Variants in WDR44 observed in about 807,000 individuals in gnomAD.
The protein encoded by WDR44 is WD repeat domain 44.
Under a neutral mutation model 65.7 loss-of-function variants are expected in WDR44, and 9 were observed. That is an observed-to-expected ratio of 0.14 (90% CI 0.08 to 0.24). The LOEUF (loss-of-function observed/expected upper bound fraction) is 0.24. Ranked by LOEUF, WDR44 falls within the 10% of genes least tolerant of loss-of-function variation. The probability of loss-of-function intolerance (pLI) is 1.00; values close to 1 mark genes in which losing one functional copy is unlikely to be tolerated. For synonymous variants in WDR44, 220 were observed against 235.2 expected (o/e 0.94, Z 0.59); for missense variants, 425 against 670.9 (o/e 0.63, Z 4.05).
rs764804167 is a variant in WDR44, at chrX:118,401,594, C to T, written c.1275-2744C>T. Among the ~76,000 whole-genome samples the T allele has an allele frequency of 5.7e-3, 487 of 85,686 alleles. 3 individuals are homozygous for T. The highest frequency in any genetic ancestry group is 0.021 in the African/African-American group (442 of 21,211). The allele number at this position is 85,686 out of a possible 115,157, so 74.4% of individuals were successfully genotyped here. ...AGCCCTTTGTCAGATGAGTAGGTTG[C>T]GAAAATTTTCTCCCATTTTGTAGGT... On this transcript the variant is annotated intron_variant, in intron 8 of 19. Coordinates refer to ENST00000254029, the MANE Select transcript of WDR44 (RefSeq NM_019045.5).
chrX:118,441,872 C>T, intron 15 of WDR44, among the ~76,000 whole-genome samples: 1 of 111,615 alleles, frequency 9.0e-6, no homozygotes, highest in African/African-American at 3.3e-5. Flanking sequence ...TCCTGAGTAG[C>T]TGGGACTATA....
At chrX:118,412,569 T>TTGAGAGA (rs1216592028) in intron 12 of WDR44, among the ~76,000 whole-genome samples, 2 of 111,163 alleles carry the variant, frequency 1.8e-5, no homozygotes, top group African/African-American at 6.5e-5. Context: ...ATAAGCTGAA[T>TTGAGAGA]TGAGAGATGT....
intron 14 of WDR44, 50 bp from the exon 15 acceptor site, chrX:118,441,318 T>C: frequency 1.8e-6 from 2 of 1,096,774 alleles, no homozygotes; most frequent in Non-Finnish European, 2.5e-6. Context: ...GCTAATGAGT[T>C]TTTTCTTGAT....
At chrX:118,352,346 ATATATATTTTTT>A (rs1260657530) in intron 1 of WDR44, among the ~76,000 whole-genome samples, 131 of 22,698 alleles carry the variant, frequency 5.8e-3, no homozygotes, top group African/African-American at 0.025. Flanking sequence ...ATATATATAT[ATATATATTTTTT>A]TTTTTTTTTT....
chrX:118,370,572 G>A (rs1357793028), intron 1 of WDR44, among the ~76,000 whole-genome samples: 2 of 109,956 alleles, frequency 1.8e-5, no homozygotes, highest in East Asian at 5.7e-4. Context: ...GCAAAACCAT[G>A]AGCTAAAATA....
rs775259221 is a variant in WDR44 at position 118,394,061 on chromosome X, A to G, written c.833A>G (p.Lys278Arg). The G allele has an allele frequency of 1.0e-4, 123 of 1,206,155 alleles. 2 individuals are homozygous for G. The South Asian group carries it at 1.8e-3, about 18-fold the overall frequency. ...TLKTPDIDVP[K>R]ENITSDSLLT... ...GTTATTATTATCATTGCAGTTCCCA[A>G]AGAGAATATTACGTCTGATTCTCTC... The change falls in exon 5 of 20, where the codon AAA (lysine) becomes AGA (arginine). Residue 278 changes from lysine to arginine, a missense_variant. By Grantham distance (26) the Lys-to-Arg change is conservative. Coordinates refer to ENST00000254029, the MANE Select transcript of WDR44 (RefSeq NM_019045.5).
intron 2 of WDR44, among the ~76,000 whole-genome samples, chrX:118,383,752 G>T (rs773023901): frequency 5.4e-5 from 5 of 92,601 alleles, no homozygotes; most frequent in African/African-American, 2.1e-4. Flanking sequence ...ACAGAGTCTC[G>T]CTCTGTCCCA....
intron 14 of WDR44, among the ~76,000 whole-genome samples, chrX:118,437,252 TG>T (rs1053407318): frequency 8.9e-6 from 1 of 111,839 alleles, no homozygotes. Context: ...GAATTCATAT[TG>T]TTAGTCTTGA....
chrX:118,388,578 G>C (rs951692280), intron 3 of WDR44, among the ~76,000 whole-genome samples: 15 of 111,941 alleles, frequency 1.3e-4, no homozygotes, highest in African/African-American at 4.9e-4. Context: ...ACTGTGCCCA[G>C]CGAGACCACA....
intron 12 of WDR44, among the ~76,000 whole-genome samples, chrX:118,415,090 G>A (rs1412725932): frequency 8.9e-6 from 1 of 111,939 alleles, no homozygotes; most frequent in East Asian, 2.8e-4. Flanking sequence ...AATCATAAAG[G>A]ATGCTGGATT....
At chrX:118,353,864 A>G (rs1286543699) in intron 1 of WDR44, among the ~76,000 whole-genome samples, 3 of 112,517 alleles carry the variant, frequency 2.7e-5, no homozygotes, top group Non-Finnish European at 3.8e-5. Context: ...TTTAACAAAA[A>G]TGATTTCTAT....
intron 1 of WDR44, among the ~76,000 whole-genome samples, chrX:118,377,852 T>C (rs1379011430): frequency 1.8e-5 from 2 of 108,125 alleles, no homozygotes; most frequent in Non-Finnish European, 3.8e-5. Flanking sequence ...CTCAGCCTCC[T>C]AGGTAGCTGG....
intron 3 of WDR44, among the ~76,000 whole-genome samples, chrX:118,391,191 T>A (rs2056817115): frequency 8.9e-6 from 1 of 112,129 alleles, no homozygotes; most frequent in Non-Finnish European, 1.9e-5. Flanking sequence ...ATAGCTAAGC[T>A]TTTTGAAAAC....
At chrX:118,421,690 T>C (rs1178561125) in intron 12 of WDR44, among the ~76,000 whole-genome samples, 1 of 112,106 alleles carries the variant, frequency 8.9e-6, no homozygotes, top group Non-Finnish European at 1.9e-5. Context: ...TACAGAGTGA[T>C]GTACCCAAGA....
intron 12 of WDR44, among the ~76,000 whole-genome samples, chrX:118,425,667 G>A: frequency 9.0e-6 from 1 of 111,727 alleles, no homozygotes; most frequent in Non-Finnish European, 1.9e-5. Flanking sequence ...GATAAGAAAT[G>A]TCTTGTTAAT....
rs182893670 is a variant in WDR44 at position 118,428,104 on chromosome X, A to G, written c.1738-4677A>G. ...GGAGTTCAAGACCAGCCTGGCCAAC[A>G]TGGTGAAATCCCATCTCTACTAAAA... On this transcript the variant is annotated intron_variant, in intron 12 of 19. Coordinates refer to ENST00000254029, the MANE Select transcript of WDR44 (RefSeq NM_019045.5). Among the ~76,000 whole-genome samples the G allele has an allele frequency of 5.7e-3, 627 of 109,841 alleles. 3 individuals are homozygous for G. The highest frequency in any genetic ancestry group is 0.02 in the African/African-American group (595 of 30,380).
intron 1 of WDR44, among the ~76,000 whole-genome samples, chrX:118,374,679 C>T (rs1488747820): frequency 9.0e-6 from 1 of 111,508 alleles, no homozygotes; most frequent in Admixed American, 9.6e-5. Context: ...TATAGGGGAC[C>T]TTTGCTGTAT....
At chrX:118,375,563 ATTTG>A (rs1264481154) in intron 1 of WDR44, among the ~76,000 whole-genome samples, 1 of 108,593 alleles carries the variant, frequency 9.2e-6, no homozygotes, top group Non-Finnish European at 1.9e-5. Flanking sequence ...GCTTTTTAAT[ATTTG>A]TTGTTGTTTT....
chrX:118,347,458 A>G (rs1244897361), intron 1 of WDR44, among the ~76,000 whole-genome samples: 1 of 112,202 alleles, frequency 8.9e-6, no homozygotes, highest in African/African-American at 3.2e-5. Context: ...CCACTTTTCA[A>G]AGTTGGGGTA....
Sources: allele counts gnomAD v4.1 joint callset (sites outside exome capture counted in the v4.1 genomes callset), GRCh38; gene constraint gnomAD v4.1.1; transcripts MANE v1.5; gene names NCBI Gene and HGNC (gene_info 2026-07-23, HGNC 2026-07-21).